Variants in CALN1 observed in about 807,000 individuals in gnomAD.
The protein encoded by CALN1 is calcium-binding protein 8.
In CALN1, 17 loss-of-function variants were observed where a neutral mutation model predicts 30.6. That is an observed-to-expected ratio of 0.56 (90% CI 0.38 to 0.83). The LOEUF (loss-of-function observed/expected upper bound fraction) is 0.83. Among genes scored for constraint, CALN1 ranks in the 40% least tolerant of loss-of-function variants. The pLI, the probability that CALN1 is intolerant of heterozygous loss-of-function variation, is 0.00. For synonymous variants in CALN1, 156 were observed against 131.4 expected, an observed-to-expected ratio of 1.19 and a Z score of -1.28; for missense variants, 291 against 354.9, an observed-to-expected ratio of 0.82 and a Z score of 1.45.
chr7:72,095,995 C>T (rs1265709608), intron 4 of CALN1, among the ~76,000 whole-genome samples: 2 of 151,890 alleles, frequency 1.3e-5, no homozygotes, highest in African/African-American at 4.8e-5. Context: ...GCTATGATGA[C>T]ACCACTGCAT....
the CALN1 span, among the ~76,000 whole-genome samples, chr7:72,493,140 G>A: frequency 6.6e-6 from 1 of 151,760 alleles, no homozygotes; most frequent in African/African-American, 2.4e-5. Context: ...CCAGTCTCCC[G>A]CCATCTCCCC....
chr7:72,229,160 GA>G (rs770876892), intron 3 of CALN1, among the ~76,000 whole-genome samples: 15 of 151,966 alleles, frequency 9.9e-5, no homozygotes, highest in Non-Finnish European at 1.9e-4. Context: ...GTGGGAGGCA[GA>G]AAAAAGCCTC....
Position 71,785,072 on chromosome 7 carries a change from C to G in CALN1, c.*2703G>C. 2.6e-6 allele frequency: 1 copy of G among 391,960 alleles called. No individual in the cohort carries two copies. The highest frequency in any genetic ancestry group is 4.5e-6 in the Non-Finnish European group (1 of 222,472). The allele number at this position is 391,960 out of a possible 1,614,324, so 24.3% of individuals were successfully genotyped here. A position where few individuals can be genotyped will look rare whatever the true frequency, so the allele number is the denominator to read the frequency against. ...AGGAATGCCGCTAGCTCAGGGCCGT[C>G]TCCACGCACTGTGTCCTTCAGTCCC... On this transcript the variant is annotated 3_prime_UTR_variant, in exon 7 of 7. Coordinates refer to ENST00000395275, the MANE Select transcript of CALN1 (RefSeq NM_031468.4).
intron 2 of CALN1, among the ~76,000 whole-genome samples, chr7:72,318,363 C>T (rs1008279235): frequency 1.3e-5 from 2 of 152,294 alleles, no homozygotes; most frequent in East Asian, 1.9e-4. Context: ...CTATTATCTC[C>T]CTCTTACTCT....
chr7:72,435,068 A>G (rs1808106168), intron 1 of CALN1, among the ~76,000 whole-genome samples: 1 of 152,262 alleles, frequency 6.6e-6, no homozygotes, highest in African/African-American at 2.4e-5. Context: ...ATCTACAAAA[A>G]TGGTTTTTTT....
At chr7:72,140,951 A>G (rs1381455147) in intron 3 of CALN1, among the ~76,000 whole-genome samples, 1 of 152,170 alleles carries the variant, frequency 6.6e-6, no homozygotes, top group Non-Finnish European at 1.5e-5. Flanking sequence ...AGACAGCCCC[A>G]TTGTGAATGT....
rs529365278 is a variant in CALN1, at chr7:72,342,148, T to C, written c.119+61103A>G. ...GGTAGCATGTGCCTGTAGTCCTAACTACTCAGGAGGCTAAGGCAGAGGATG... is the reference window on the plus strand; with the variant it reads ...GGTAGCATGTGCCTGTAGTCCTAACCACTCAGGAGGCTAAGGCAGAGGATG... On this transcript the variant is annotated intron_variant, in intron 2 of 6. Transcript: ENST00000395275. Among the ~76,000 whole-genome samples, 3 of 151,330 alleles carry C rather than the reference T, an allele frequency of 2.0e-5. No homozygotes were observed. In the South Asian group the frequency reaches 6.3e-4, roughly 32 times the overall value.
intron 2 of CALN1, among the ~76,000 whole-genome samples, chr7:72,310,084 T>C (rs905722811): frequency 2.6e-5 from 4 of 152,086 alleles, no homozygotes; most frequent in African/African-American, 9.7e-5. Flanking sequence ...TATAACGTCC[T>C]GATCAAGGAC....
At chr7:72,102,017 A>G (rs529996953) in intron 4 of CALN1, among the ~76,000 whole-genome samples, 2 of 152,298 alleles carry the variant, frequency 1.3e-5, no homozygotes, top group Admixed American at 1.3e-4. Flanking sequence ...TATCAAATGC[A>G]GTCATTTTTC....
chr7:72,024,679 G>A lies in CALN1; in HGVS notation c.389-910C>T, dbSNP rs193213484. ...CTCTCAAAGTGCTGGGATTACAGGAGTGAGCCACCATGCCCGGCCTGAACA... is the reference window on the plus strand; with the variant it reads ...CTCTCAAAGTGCTGGGATTACAGGAATGAGCCACCATGCCCGGCCTGAACA... On this transcript the variant is annotated intron_variant, in intron 4 of 6. Transcript: ENST00000395275. Among the ~76,000 whole-genome samples, 360 of 152,238 alleles carry A rather than the reference G, an allele frequency of 2.4e-3. 1 individual carries two copies. Among genetic ancestry groups the A allele is most frequent in the African/African-American group, 8.2e-3 (342 of 41,546 alleles).
At chr7:72,345,407 A>C (rs1449487535) in intron 2 of CALN1, among the ~76,000 whole-genome samples, 1 of 4,664 alleles carries the variant, frequency 2.1e-4, no homozygotes, top group Non-Finnish European at 1.3e-3. Flanking sequence ...GGAAGGAAAG[A>C]AAGAAGAGAA....
At chr7:72,091,308 G>A (rs899453726) in intron 4 of CALN1, among the ~76,000 whole-genome samples, 5 of 152,210 alleles carry the variant, frequency 3.3e-5, no homozygotes, top group African/African-American at 1.2e-4. Context: ...TCCAGTCTGG[G>A]TGACAGAGTG....
chr7:72,408,108 C>T (rs139331629), intron 1 of CALN1, among the ~76,000 whole-genome samples: 248 of 152,012 alleles, frequency 1.6e-3, no homozygotes, highest in African/African-American at 5.5e-3. Context: ...TTAATCAATG[C>T]CAGTTCCCTT....
chr7:72,426,176 G>A (rs545946293), intron 1 of CALN1, among the ~76,000 whole-genome samples: 1 of 152,368 alleles, frequency 6.6e-6, no homozygotes, highest in East Asian at 1.9e-4. Flanking sequence ...TCACCTGGAT[G>A]AAGGGCCAGA....
intron 3 of CALN1, among the ~76,000 whole-genome samples, chr7:72,172,386 A>G (rs1024034048): frequency 6.6e-6 from 1 of 152,252 alleles, no homozygotes; most frequent in Non-Finnish European, 1.5e-5. Flanking sequence ...GAGAAGACTT[A>G]GAGCCAGAAG....
chr7:71,976,935 C>T (rs538271062), intron 5 of CALN1, among the ~76,000 whole-genome samples: 2 of 152,228 alleles, frequency 1.3e-5, no homozygotes, highest in South Asian at 4.2e-4. Flanking sequence ...TGCGCATGCC[C>T]AAGGACTTTC....
Position 72,255,394 on chromosome 7 carries a change from C to CTT in CALN1, c.244+23290_244+23291dup, listed in dbSNP as rs869123046. On this transcript the variant is annotated intron_variant, in intron 3 of 6. Transcript: ENST00000395275. The stretch of plus-strand genomic sequence containing the variant: ...TGAGCCACCACACCCAGCCTTTTTT[C>CTT]TTTTCTTTTCTTTTTTTATTATTAT... 8.6e-5 allele frequency among the ~76,000 whole-genome samples: 10 copies of CTT among 115,742 alleles called. No homozygotes were observed. In the East Asian group the frequency reaches 2.3e-3, roughly 27 times the overall value. 75.9% of individuals were successfully genotyped at this position (115,742 alleles called of 152,430 possible).
At chr7:72,296,843 T>C (rs1236720837) in intron 2 of CALN1, among the ~76,000 whole-genome samples, 3 of 151,334 alleles carry the variant, frequency 2.0e-5, no homozygotes, top group Non-Finnish European at 4.4e-5. Context: ...AAGGGTTTTT[T>C]GTGTCTCTAT....
intron 2 of CALN1, among the ~76,000 whole-genome samples, chr7:72,394,498 C>G (rs1384235244): frequency 6.6e-6 from 1 of 152,082 alleles, no homozygotes; most frequent in South Asian, 2.1e-4. Context: ...CGGGACTGGT[C>G]CAGTACATTG....
Sources: gnomAD v4.1 joint callset for allele counts (sites outside exome capture counted in the v4.1 genomes callset) on GRCh38, gnomAD v4.1.1 for gene constraint, MANE v1.5 for transcripts, NCBI Gene and HGNC (gene_info 2026-07-23, HGNC 2026-07-21) for gene names.